POLR2F: variants seen among roughly 807,000 people sequenced by gnomAD.
POLR2F encodes DNA-directed RNA polymerases I, II, and III subunit RPABC2.
A neutral mutation model predicts 22.7 loss-of-function variants in POLR2F; 12 were observed. That is an observed-to-expected ratio of 0.53 (90% CI 0.34 to 0.86). POLR2F has a LOEUF of 0.86. Among genes scored for constraint, POLR2F ranks in the 40% least tolerant of loss-of-function variants. The probability of loss-of-function intolerance (pLI) is 0.02; values close to 1 mark genes in which losing one functional copy is unlikely to be tolerated. For synonymous variants in POLR2F, 57 were observed against 66.0 expected, an observed-to-expected ratio of 0.86 and a Z score of 0.66; for missense variants, 126 against 171.5, an observed-to-expected ratio of 0.73 and a Z score of 1.48.
rs114093973 is a variant in POLR2F at position 38,008,917 on chromosome 22, T to C, written c.121-16952T>C. 1.7e-3 allele frequency among the ~76,000 whole-genome samples: 249 copies of C among 150,642 alleles called. 3 individuals carry two copies. The highest frequency in any genetic ancestry group is 5.8e-3 in the African/African-American group (238 of 40,990). ...AGTGCATTAATTTTACATAGTATGA[T>C]ATGTGGGCAAGTGGAGCAGGGAAAG... On this transcript the variant is annotated intron_variant, in intron 1 of 2. Coordinates refer to the POLR2F transcript ENST00000333418.
In POLR2F at chr22:37,968,919, C is replaced by T; in HGVS notation, c.*1204C>T. On this transcript the variant is annotated 3_prime_UTR_variant, in exon 5 of 5. Transcript: ENST00000442738. ...GGTTAATTCAGGGAGCAGTGGACTT[C>T]ACACTCCCATCCACCCTCCTCCAAG... The T allele has an allele frequency of 1.0e-6, 1 of 985,382 alleles. No homozygotes were observed. Among genetic ancestry groups the T allele is most frequent in the Non-Finnish European group, 1.2e-6 (1 of 829,904 alleles). The allele number at this position is 985,382 out of a possible 1,614,324, so 61.0% of individuals were successfully genotyped here.
chr22:37,987,393 C>T, intron 1 of POLR2F: 1 of 428,298 alleles, frequency 2.3e-6, no homozygotes, highest in South Asian at 1.7e-5. Flanking sequence ...GGCAGAGCTG[C>T]CTCCGGTCAG....
intron 4 of POLR2F, among the ~76,000 whole-genome samples, chr22:37,979,404 G>A (rs992942114): frequency 2.6e-5 from 4 of 152,142 alleles, no homozygotes; most frequent in Non-Finnish European, 1.5e-5. Context: ...GGCCCCAAGA[G>A]GTGCTTTTCT....
chr22:37,962,885 T>A (rs1286670430), intron 3 of POLR2F, among the ~76,000 whole-genome samples: 1 of 151,982 alleles, frequency 6.6e-6, no homozygotes, highest in African/African-American at 2.4e-5. Flanking sequence ...AGAGATGGTG[T>A]TTCACCGTGT....
At position 37,968,115 on chromosome 22, in the gene POLR2F, T is replaced by G; in HGVS notation, c.*400T>G. The G allele has an allele frequency of 3.0e-6, 3 of 994,060 alleles. No homozygotes were observed. The highest frequency in any genetic ancestry group is 3.6e-6 in the Non-Finnish European group (3 of 835,060). The allele number at this position is 994,060 out of a possible 1,614,324, so 61.6% of individuals were successfully genotyped here. A position where few individuals can be genotyped will look rare whatever the true frequency, so the allele number is the denominator to read the frequency against. On this transcript the variant is annotated 3_prime_UTR_variant, in exon 5 of 5. Transcript: ENST00000442738. The stretch of plus-strand genomic sequence containing the variant: ...GGGACTGGCTGCAGGGGCTTCTCCC[T>G]TCTCAGGAGTATCACAGAGCAGGTC...
chr22:37,983,028 T>C (rs557630359), upstream of POLR2F, among the ~76,000 whole-genome samples: 25 of 152,314 alleles, frequency 1.6e-4, no homozygotes, highest in Middle Eastern at 3.4e-3. The surrounding 1 kb of genome is among the most constrained non-coding windows in gnomAD (Gnocchi z 9.5). Context: ...ATAGTGTGCG[T>C]ATCTGTGGGC....
chr22:37,998,424 T>G (rs1444131820), intron 1 of POLR2F, among the ~76,000 whole-genome samples: 1 of 152,192 alleles, frequency 6.6e-6, no homozygotes, highest in Non-Finnish European at 1.5e-5. Flanking sequence ...CTGTGGACCC[T>G]GGGCCTCACA....
In POLR2F at chr22:37,980,537, C is replaced by T. The variant is rs894924490; in HGVS notation, c.293+13367C>T. On this transcript the variant is annotated intron_variant, in intron 4 of 4. Transcript: ENST00000405557. This position sits in a 1 kb window ranked among gnomAD's most constrained non-coding sequence, Gnocchi z 4.1. ...TGCCATCCCCGACCCCAGCTCCCTC[C>T]TCCACCAGCTGTGCCGGACAGCTGA... Among the ~76,000 whole-genome samples the T allele has an allele frequency of 6.6e-6, 1 of 152,132 alleles. No individual in the cohort carries two copies. The highest frequency in any genetic ancestry group is 2.4e-5 in the African/African-American group (1 of 41,408).
At chr22:37,955,640 G>A (rs1054794016) in intron 1 of POLR2F, among the ~76,000 whole-genome samples, 1 of 151,912 alleles carries the variant, frequency 6.6e-6, no homozygotes, top group Non-Finnish European at 1.5e-5. Context: ...AAAAATTGAA[G>A]GGGTAAAATG....
intron 3 of POLR2F, among the ~76,000 whole-genome samples, chr22:37,962,555 C>T (rs539795279): frequency 6.6e-6 from 1 of 152,334 alleles, no homozygotes; most frequent in South Asian, 2.1e-4. Context: ...CCACCAACGT[C>T]AGGATCCTCT....
intron 1 of POLR2F, among the ~76,000 whole-genome samples, chr22:38,011,127 G>A (rs938190920): frequency 1.3e-5 from 2 of 150,976 alleles, no homozygotes; most frequent in African/African-American, 4.9e-5. Flanking sequence ...TTTGAGACAG[G>A]GTCTTGTTTT....
intron 3 of POLR2F, among the ~76,000 whole-genome samples, chr22:37,965,862 C>T (rs1391552233): frequency 1.3e-5 from 2 of 152,162 alleles, no homozygotes; most frequent in Non-Finnish European, 2.9e-5. Flanking sequence ...AGCATGCTCT[C>T]CTGTTAATTC....
intron 2 of POLR2F, 92 bp downstream of exon 2, chr22:37,956,934 T>A (rs1931428125): frequency 9.8e-7 from 1 of 1,017,882 alleles, no homozygotes; most frequent in African/African-American, 1.6e-5. Flanking sequence ...TGCCTTCTAT[T>A]TGTGGTCAAG....
intron 1 of POLR2F, among the ~76,000 whole-genome samples, chr22:38,009,082 G>A (rs148284756): frequency 2.0e-5 from 3 of 152,292 alleles, no homozygotes; most frequent in East Asian, 3.9e-4. Flanking sequence ...AGGAACAACC[G>A]TGCAGAGGCT....
downstream of POLR2F, among the ~76,000 whole-genome samples, chr22:37,969,834 G>GT (rs932144818): frequency 2.6e-5 from 4 of 151,598 alleles, no homozygotes; most frequent in South Asian, 2.1e-4. Context: ...TGCCAAATAA[G>GT]TTTTTTTTTC....
At chr22:38,008,691 C>T (rs1190508524) in intron 1 of POLR2F, among the ~76,000 whole-genome samples, 3 of 151,634 alleles carry the variant, frequency 2.0e-5, no homozygotes, top group South Asian at 4.1e-4. Context: ...GGCCACATGG[C>T]GAGATCCCGT....
chr22:37,969,503 T>A (rs1385010609), downstream of POLR2F, among the ~76,000 whole-genome samples: 1 of 152,132 alleles, frequency 6.6e-6, no homozygotes, highest in Admixed American at 6.5e-5. Flanking sequence ...TTCCACATCC[T>A]CAGTGATTTC....
chr22:37,972,226 C>G (rs1328507243), downstream of POLR2F: 1 of 1,299,600 alleles, frequency 7.7e-7, no homozygotes. Flanking sequence ...CATTCTACTC[C>G]TAGCTACTTC....
In POLR2F at chr22:37,992,165, C is replaced by T. The variant is rs1932740318; in HGVS notation, c.120+5853C>T. Among the ~76,000 whole-genome samples the T allele has an allele frequency of 2.0e-5, 3 of 152,180 alleles. 1 individual carries two copies. The South Asian group carries it at 6.2e-4, about 32-fold the overall frequency. ...CTCCAGGTTTGAATCCTGACACCTC[C>T]ATTTATTAGCTGTGTGTCCTTGGCA... On this transcript the variant is annotated intron_variant, in intron 1 of 2. Transcript: ENST00000333418.
Sources: allele counts gnomAD v4.1 joint callset (sites outside exome capture counted in the v4.1 genomes callset), GRCh38; gene constraint gnomAD v4.1.1; non-coding constraint Gnocchi (gnomAD v3.1); transcripts MANE v1.5; gene names NCBI Gene and HGNC (gene_info 2026-07-23, HGNC 2026-07-21).